FER1L6: variants seen among roughly 807,000 people sequenced by gnomAD.
The protein encoded by FER1L6 is fer-1 like family member 6.
A neutral mutation model predicts 219.2 loss-of-function variants in FER1L6; 177 were observed. That is an observed-to-expected ratio of 0.81 (90% confidence interval 0.71 to 0.91). FER1L6 has a LOEUF of 0.91. FER1L6 is among the 40% of genes least tolerant of loss of function. FER1L6 has a pLI of 0.00. For synonymous variants in FER1L6, 768 were observed against 824.3 expected (o/e 0.93, Z 1.17); for missense variants, 2,153 against 2,259.9 (o/e 0.95, Z 0.96).
chr8:123,871,431 A>G (rs1438046649), intron 1 of FER1L6, among the ~76,000 whole-genome samples: 1 of 152,120 alleles, frequency 6.6e-6, no homozygotes, highest in Non-Finnish European at 1.5e-5. Flanking sequence ...TTGTAGTGCC[A>G]AAAAGGAAGC....
intron 22 of FER1L6, among the ~76,000 whole-genome samples, chr8:124,052,592 C>A (rs1820094898): frequency 1.3e-5 from 2 of 152,070 alleles, no homozygotes; most frequent in African/African-American, 4.8e-5. Flanking sequence ...TGGAGACAGC[C>A]TGACCAACAT....
At chr8:123,973,103 C>T (rs111686900) in intron 6 of FER1L6, among the ~76,000 whole-genome samples, 88 of 152,110 alleles carry the variant, frequency 5.8e-4, no homozygotes, top group African/African-American at 1.4e-3. Flanking sequence ...GACTGAATGG[C>T]GGAGGTGACT....
intron 1 of FER1L6, among the ~76,000 whole-genome samples, chr8:123,898,749 C>G (rs1812798572): frequency 1.6e-5 from 2 of 123,810 alleles, no homozygotes; most frequent in Non-Finnish European, 3.5e-5. Flanking sequence ...TACATATATA[C>G]TATATATACA....
chr8:123,969,929 C>A, intron 5 of FER1L6, 106 bp from the exon 6 acceptor site: 2 of 777,722 alleles, frequency 2.6e-6, no homozygotes, highest in East Asian at 2.6e-5. Flanking sequence ...TATATATATT[C>A]ATGCAGCAGT....
chr8:123,997,463 T>C (rs989106259), intron 12 of FER1L6, among the ~76,000 whole-genome samples: 1 of 152,190 alleles, frequency 6.6e-6, no homozygotes, highest in Non-Finnish European at 1.5e-5. Context: ...TTTGGGACTT[T>C]GATTATTAAA....
intron 31 of FER1L6, 43 bp from the exon 32 acceptor site, chr8:124,076,155 T>C: frequency 6.2e-7 from 1 of 1,610,754 alleles, no homozygotes; most frequent in East Asian, 2.2e-5. Flanking sequence ...ACAACCAATG[T>C]TGAGAGCTAT....
At chr8:124,049,072 G>A (rs112674106) in intron 21 of FER1L6, among the ~76,000 whole-genome samples, 80 of 150,682 alleles carry the variant, frequency 5.3e-4, no homozygotes, top group African/African-American at 1.6e-3. Context: ...CTTTTTTTGA[G>A]ACATCTCTCT....
chr8:123,932,407 C>CTT (rs2129927686), intron 1 of FER1L6, among the ~76,000 whole-genome samples: 1 of 152,330 alleles, frequency 6.6e-6, no homozygotes, highest in Non-Finnish European at 1.5e-5. Flanking sequence ...CCGTGCCAGG[C>CTT]TCCGTATTTA....
At chr8:124,095,772 A>G (rs140847601) in intron 35 of FER1L6, among the ~76,000 whole-genome samples, 61 of 152,334 alleles carry the variant, frequency 4.0e-4, no homozygotes, top group African/African-American at 1.3e-3. Flanking sequence ...CAACGGAGTG[A>G]CACCTTCCTC....
In FER1L6 at chr8:124,017,700, G is replaced by A. The variant is rs772258348; in HGVS notation, c.1995G>A (p.Thr665=). The A allele has an allele frequency of 1.3e-5, 21 of 1,613,338 alleles. No homozygotes were observed. The highest frequency in any genetic ancestry group is 1.6e-4 in the Middle Eastern group (1 of 6,084). Residue 665 remains threonine, a synonymous_variant, in exon 16 of 41, where the codon ACG becomes ACA. Transcript: ENST00000522917. ...NQTTLDKKRL[T]LCWQELEAMC... Reference sequence around the variant, plus strand: ...CCACTTTAGATAAGAAGCGACTTACGCTCTGCTGGCAGGAGCTGGTATGTG... The same window carrying A: ...CCACTTTAGATAAGAAGCGACTTACACTCTGCTGGCAGGAGCTGGTATGTG...
chr8:123,942,989 G>GGCTGGAGA (rs1467994764), intron 1 of FER1L6, among the ~76,000 whole-genome samples: 1 of 152,160 alleles, frequency 6.6e-6, no homozygotes, highest in African/African-American at 2.4e-5. Context: ...CAGGCTGGAG[G>GGCTGGAGA]GCTGGAGAGC....
rs768364566 is a variant in FER1L6 at position 124,118,922 on chromosome 8, C to T, written c.5368C>T (p.Pro1790Ser). The change falls in exon 40 of 41, where the codon CCA becomes TCA. Residue 1790 changes from proline (P) to serine (S), a missense_variant. Physicochemically the swap from Pro to Ser is moderately conservative, Grantham distance 74. Transcript: ENST00000522917. ...TCCTGTTGGAAAAGCCCGAAAGGAGCCAGAGCCCCTGGCCAAGCCCAAGTG... is the reference window on the plus strand; with the variant it reads ...TCCTGTTGGAAAAGCCCGAAAGGAGTCAGAGCCCCTGGCCAAGCCCAAGTG... ...KNPVGKARKEPEPLAKPNRPD... is the reference protein window; with the variant it reads ...KNPVGKARKESEPLAKPNRPD... 4 of 1,613,510 alleles carry T rather than the reference C, an allele frequency of 2.5e-6. No homozygotes were observed. The highest frequency in any genetic ancestry group is 3.4e-6 in the Non-Finnish European group (4 of 1,179,830).
At chr8:124,117,736 T>A (rs1475019538) in intron 39 of FER1L6, among the ~76,000 whole-genome samples, 4 of 152,196 alleles carry the variant, frequency 2.6e-5, no homozygotes, top group Non-Finnish European at 5.9e-5. Flanking sequence ...ATATCTCCCA[T>A]GATTATATTA....
intron 1 of FER1L6, among the ~76,000 whole-genome samples, chr8:123,866,008 C>A (rs932014184): frequency 6.6e-6 from 1 of 151,224 alleles, no homozygotes; most frequent in Admixed American, 6.6e-5. Flanking sequence ...CTCCTCCCCC[C>A]CACATTTTCT....
chr8:123,898,814 T>C (rs188756381), intron 1 of FER1L6, among the ~76,000 whole-genome samples: 54 of 144,018 alleles, frequency 3.7e-4, no homozygotes, highest in African/African-American at 1.3e-3. Flanking sequence ...CACATATATA[T>C]ACATATGTGT....
At chr8:124,107,317 A>T (rs1822823593) in intron 39 of FER1L6, among the ~76,000 whole-genome samples, 1 of 152,180 alleles carries the variant, frequency 6.6e-6, no homozygotes, top group Non-Finnish European at 1.5e-5. Context: ...AATGTTCTTT[A>T]AAAATGAACA....
At chr8:124,060,846 T>C in intron 24 of FER1L6, 137 bp downstream of exon 24, 1 of 1,000,258 alleles carries the variant, frequency 1.0e-6, no homozygotes, top group Non-Finnish European at 1.4e-6. Flanking sequence ...TGAGATAAAA[T>C]AGACTTTTGT....
rs537349656 is a variant in FER1L6 at position 123,946,549 on chromosome 8, C to T, written c.-7-9443C>T. ...GATTACAGGTGTGAGCCACGGTGCC[C>T]GGGCTGCACAGGTTGGTTTTGATTA... On this transcript the variant is annotated intron_variant, in intron 1 of 40. Transcript: ENST00000522917. Among the ~76,000 whole-genome samples the T allele has an allele frequency of 1.6e-3, 243 of 152,276 alleles. 2 individuals carry two copies. The highest frequency in any genetic ancestry group is 2.6e-3 in the Non-Finnish European group (180 of 68,016).
chr8:124,010,313 A>G (rs1348269193), intron 13 of FER1L6, among the ~76,000 whole-genome samples: 5 of 152,122 alleles, frequency 3.3e-5, no homozygotes, highest in African/African-American at 1.2e-4. Context: ...CTTCTTGAAA[A>G]AGGCCTGCCT....
Sources: gnomAD v4.1 joint callset for allele counts (sites outside exome capture counted in the v4.1 genomes callset) on GRCh38, gnomAD v4.1.1 for gene constraint, MANE v1.5 for transcripts, NCBI Gene and HGNC (gene_info 2026-07-23, HGNC 2026-07-21) for gene names.